TNFRSF10A: variants seen among roughly 807,000 people sequenced by gnomAD.
TNFRSF10A encodes the protein TNF receptor superfamily member 10a.
A neutral mutation model predicts 42.8 loss-of-function variants in TNFRSF10A; 44 were observed. The ratio of observed to expected loss-of-function variants is 1.03; its 90% CI spans 0.81 to 1.32. The LOEUF (loss-of-function observed/expected upper bound fraction) is 1.32, where lower values mean the gene tolerates loss of function less well. Among genes scored for constraint, TNFRSF10A ranks in the 40% most tolerant of loss-of-function variants. The probability of loss-of-function intolerance (pLI) is 0.00; values close to 1 mark genes in which losing one functional copy is unlikely to be tolerated. For missense variants in TNFRSF10A, 680 were observed against 602.0 expected (o/e 1.13, Z -1.36); for synonymous variants, 259 against 234.2 (o/e 1.11, Z -0.97).
At position 23,199,285 on chromosome 8, in the gene TNFRSF10A, C is replaced by T. The variant is rs934760540; in HGVS notation, c.995G>A (p.Gly332Glu). 9.3e-6 allele frequency: 15 copies of T among 1,614,094 alleles called. No individual in the cohort carries two copies. The highest frequency in any genetic ancestry group is 1.2e-5 in the Non-Finnish European group (14 of 1,179,956). ...ACTCACCAGCAGACACTGTGCCTCC[C>T]CTGGGGACTGTACAGTGACACCTGT... The part of the protein sequence containing the change: ...DLTGVTVQSP[G>E]EAQCLLGPAE... The change falls in exon 8 of 10, where the codon GGG becomes GAG. Residue 332 changes from glycine (G) to glutamate (E), a missense_variant. By Grantham distance (98) the Gly-to-Glu change is moderately conservative (BLOSUM62 -2). Coordinates refer to ENST00000221132, the MANE Select transcript of TNFRSF10A (RefSeq NM_003844.4).
At chr8:23,209,453 C>T (rs1392414766) in intron 2 of TNFRSF10A, among the ~76,000 whole-genome samples, 1 of 152,252 alleles carries the variant, frequency 6.6e-6, no homozygotes, top group Admixed American at 6.5e-5. Flanking sequence ...GCTGCAGACA[C>T]TCAACACCGG....
intron 8 of TNFRSF10A, 133 bp downstream of exon 8, chr8:23,199,133 G>C (rs1800868716): frequency 9.2e-7 from 1 of 1,086,948 alleles, no homozygotes; most frequent in Non-Finnish European, 1.3e-6. Flanking sequence ...GAGGGTGGCT[G>C]CTTTTTCCCA....
chr8:23,197,064 G>T, intron 9 of TNFRSF10A, 68 bp downstream of exon 9: 2 of 1,602,822 alleles, frequency 1.2e-6, no homozygotes, highest in East Asian at 4.5e-5. Flanking sequence ...TCAGCAATGG[G>T]GACACCAGTT....
chr8:23,221,288 A>G (rs1035370685), intron 1 of TNFRSF10A, among the ~76,000 whole-genome samples: 3 of 152,126 alleles, frequency 2.0e-5, no homozygotes, highest in African/African-American at 7.2e-5. Flanking sequence ...TTTTATATCC[A>G]CCTAGTTTAT....
chr8:23,207,401 G>T (rs966695158), intron 2 of TNFRSF10A: 2 of 529,026 alleles, frequency 3.8e-6, no homozygotes, highest in Non-Finnish European at 7.3e-6. Context: ...CTAAATACAT[G>T]TATATGTTTT....
At chr8:23,199,998 G>A (rs1005304429) in intron 6 of TNFRSF10A, 81 bp from the exon 7 acceptor site, 3 of 1,538,476 alleles carry the variant, frequency 1.9e-6, no homozygotes, top group Non-Finnish European at 2.7e-6. Context: ...TTGGGCAGGG[G>A]TGGGCTGGGG....
At chr8:23,222,129 G>A (rs1176359320) in intron 1 of TNFRSF10A, among the ~76,000 whole-genome samples, 2 of 152,048 alleles carry the variant, frequency 1.3e-5, no homozygotes, top group Admixed American at 6.6e-5. Flanking sequence ...CACCTGTCTC[G>A]GCCTCCCAAA....
intron 1 of TNFRSF10A, among the ~76,000 whole-genome samples, 167 bp from the exon 2 acceptor site, chr8:23,212,379 C>G (rs1224658212): frequency 6.6e-6 from 1 of 152,214 alleles, no homozygotes; most frequent in Admixed American, 6.5e-5. Context: ...GTCTCTTTGT[C>G]CCCATGCCCC....
In TNFRSF10A at chr8:23,200,556, C is replaced by A. The variant is rs758031420; in HGVS notation, c.748G>T (p.Val250Phe). ...AGCACAGCCACCAACAGCAACGGAA[C>A]AACCAAAGTCACAACCAAAATCACC... ...IWVILVVTLV[V>F]PLLLVAVLIV... The change falls in exon 6 of 10, where the codon GTT (valine) becomes TTT (phenylalanine). Residue 250 changes from valine to phenylalanine, a missense_variant. Val to Phe is a conservative substitution (Grantham distance 50). Coordinates refer to ENST00000221132, the MANE Select transcript of TNFRSF10A (RefSeq NM_003844.4). The A allele has an allele frequency of 6.2e-7, 1 of 1,614,168 alleles. No homozygotes were observed. The highest frequency in any genetic ancestry group is 1.3e-5 in the African/African-American group (1 of 75,054).
At chr8:23,208,122 A>G (rs1171302202) in intron 2 of TNFRSF10A, among the ~76,000 whole-genome samples, 1 of 152,186 alleles carries the variant, frequency 6.6e-6, no homozygotes, top group Non-Finnish European at 1.5e-5. Context: ...GATATGGACA[A>G]TAAAGTCCAG....
Position 23,213,679 on chromosome 8 carries a change from C to T in TNFRSF10A, c.307-1467G>A, listed in dbSNP as rs537568134. Reference sequence around the variant, plus strand: ...TAGGATGGTCTCTATCTCCTGACCTCGTGATCCGTCCACCTCGGCCTCCCA... The same window carrying T: ...TAGGATGGTCTCTATCTCCTGACCTTGTGATCCGTCCACCTCGGCCTCCCA... On this transcript the variant is annotated intron_variant, in intron 1 of 9. Coordinates refer to ENST00000221132, the MANE Select transcript of TNFRSF10A (RefSeq NM_003844.4). Among the ~76,000 whole-genome samples, 10 of 152,110 alleles carry T rather than the reference C, an allele frequency of 6.6e-5. No homozygotes were observed. In the South Asian group the frequency reaches 1.0e-3, roughly 16 times the overall value.
intron 1 of TNFRSF10A, among the ~76,000 whole-genome samples, chr8:23,224,117 A>C (rs185654967): frequency 6.6e-6 from 1 of 151,624 alleles, no homozygotes; most frequent in East Asian, 1.9e-4. Context: ...TGGCTAACAC[A>C]GTGAAACCCC....
At chr8:23,217,196 A>C (rs1438585063) in intron 1 of TNFRSF10A, among the ~76,000 whole-genome samples, 2 of 152,104 alleles carry the variant, frequency 1.3e-5, no homozygotes, top group Non-Finnish European at 2.9e-5. Flanking sequence ...ATTTATGATT[A>C]TTATGCCTTC....
intron 9 of TNFRSF10A, among the ~76,000 whole-genome samples, chr8:23,192,604 A>G (rs1387561221): frequency 6.6e-6 from 1 of 152,222 alleles, no homozygotes; most frequent in African/African-American, 2.4e-5. Flanking sequence ...AGCACTGCAC[A>G]CCACCATCCA....
intron 1 of TNFRSF10A, among the ~76,000 whole-genome samples, chr8:23,216,596 G>C (rs1008965920): frequency 2.0e-5 from 3 of 152,102 alleles, no homozygotes; most frequent in African/African-American, 4.8e-5. Context: ...ACAAAAATGA[G>C]CCGGGCGTGC....
At chr8:23,202,307 A>G (rs992460326) in intron 3 of TNFRSF10A, among the ~76,000 whole-genome samples, 3 of 152,184 alleles carry the variant, frequency 2.0e-5, no homozygotes, top group African/African-American at 7.2e-5. Context: ...AGGCTGAGTG[A>G]GCCTGAGAAC....
At chr8:23,199,999 T>TGGGCTGG in intron 6 of TNFRSF10A, 82 bp from the exon 7 acceptor site, 1 of 1,381,910 alleles carries the variant, frequency 7.2e-7, no homozygotes, top group South Asian at 1.2e-5. Context: ...TGGGCAGGGG[T>TGGGCTGG]GGGCTGGGGG....
intron 8 of TNFRSF10A, 58 bp from the exon 9 acceptor site, chr8:23,197,262 T>C: frequency 6.2e-7 from 1 of 1,602,722 alleles, no homozygotes; most frequent in Non-Finnish European, 8.5e-7. Flanking sequence ...AGTCTAGTAC[T>C]GACTCTGACC....
intron 1 of TNFRSF10A, among the ~76,000 whole-genome samples, chr8:23,222,966 T>C (rs1801277831): frequency 1.3e-5 from 2 of 152,192 alleles, no homozygotes; most frequent in African/African-American, 4.8e-5. Flanking sequence ...TCCTGAGGCC[T>C]CACCAGAGGC....
Sources: gnomAD v4.1 joint callset for allele counts (sites outside exome capture counted in the v4.1 genomes callset) on GRCh38, gnomAD v4.1.1 for gene constraint, MANE v1.5 for transcripts, NCBI Gene and HGNC (gene_info 2026-07-23, HGNC 2026-07-21) for gene names.